Variants in DSCAM observed in about 807,000 individuals in gnomAD.
DSCAM encodes cell adhesion molecule DSCAM.
DSCAM carries 47 observed loss-of-function variants against 217.7 expected under a neutral mutation model. The ratio of observed to expected loss-of-function variants is 0.22; its 90% CI spans 0.17 to 0.28. The LOEUF is 0.28. DSCAM is among the 10% of genes least tolerant of loss of function. The probability of loss-of-function intolerance (pLI) is 1.00; values close to 1 mark genes in which losing one functional copy is unlikely to be tolerated. For missense variants in DSCAM, 2,080 were observed against 2,618.3 expected, an observed-to-expected ratio of 0.79 and a Z score of 4.49; for synonymous variants, 1,056 against 1,015.3, an observed-to-expected ratio of 1.04 and a Z score of -0.76.
At chr21:40,755,667 T>C (rs774989854) in intron 1 of DSCAM, among the ~76,000 whole-genome samples, 30 of 152,052 alleles carry the variant, frequency 2.0e-4, no homozygotes, top group Non-Finnish European at 3.4e-4. Flanking sequence ...AGGACTGAGG[T>C]AGCACCCTGG....
intron 3 of DSCAM, among the ~76,000 whole-genome samples, chr21:40,490,659 G>A (rs2076069494): frequency 6.6e-6 from 1 of 152,202 alleles, no homozygotes; most frequent in Admixed American, 6.5e-5. Context: ...TGGCAGTGCA[G>A]GCAGGAGCTT....
chr21:40,671,458 G>A (rs547318389), intron 3 of DSCAM, among the ~76,000 whole-genome samples: 8 of 151,924 alleles, frequency 5.3e-5, no homozygotes, highest in South Asian at 2.1e-4. Flanking sequence ...GGTGGATCAC[G>A]AGGCCAGGAG....
intron 23 of DSCAM, among the ~76,000 whole-genome samples, chr21:40,085,096 TATG>T (rs1482639128): frequency 1.3e-5 from 2 of 152,244 alleles, no homozygotes; most frequent in Non-Finnish European, 2.9e-5. Context: ...ACATTTTGTG[TATG>T]ATATCAAGAA....
At position 40,080,186 on chromosome 21, in the gene DSCAM, T is replaced by C; in HGVS notation, c.4386A>G (p.Ile1462Met). The part of the protein sequence containing the change: ...TAQNGVGPGR[I>M]SEIIEAKTLG... ...AGGTCTTTGCTTCTATGATTTCACT[T>C]ATGCGCCCTGGGCCCACTCCATTTT... Residue 1462 changes from isoleucine (I) to methionine (M), a missense_variant, in exon 25 of 33, where the codon ATA (isoleucine) becomes ATG (methionine). This residue lies in a region of DSCAM where 1,144 missense variants were observed against 1,421.1 expected (regional missense o/e 0.81). Transcript: ENST00000400454. 6.3e-7 allele frequency: 1 copy of C among 1,595,018 alleles called. No homozygotes were observed. Among genetic ancestry groups the C allele is most frequent in the South Asian group, 1.1e-5 (1 of 90,736 alleles).
intron 11 of DSCAM, among the ~76,000 whole-genome samples, chr21:40,241,490 A>G (rs1386609833): frequency 6.6e-6 from 1 of 152,204 alleles, no homozygotes. Flanking sequence ...AAAAAAAATA[A>G]CAGGTGCCGG....
intron 4 of DSCAM, among the ~76,000 whole-genome samples, chr21:40,364,494 C>T (rs2074805868): frequency 7.7e-6 from 1 of 129,972 alleles, no homozygotes; most frequent in Non-Finnish European, 1.5e-5. Context: ...CACATGGACA[C>T]AGGAAGGGGA....
At chr21:40,082,009 A>G (rs2089469752) in intron 24 of DSCAM, among the ~76,000 whole-genome samples, 1 of 151,540 alleles carries the variant, frequency 6.6e-6, no homozygotes, top group Admixed American at 6.6e-5. Context: ...GGTGCCCCCT[A>G]TTTTTTTCCT....
intron 32 of DSCAM, among the ~76,000 whole-genome samples, chr21:40,028,832 G>C (rs183970570): frequency 1.3e-5 from 2 of 152,302 alleles, no homozygotes; most frequent in Admixed American, 1.3e-4. Context: ...GACCGGAGCT[G>C]TTCCTATTCG....
intron 11 of DSCAM, among the ~76,000 whole-genome samples, chr21:40,252,921 CT>C (rs2073324304): frequency 6.6e-6 from 1 of 152,190 alleles, no homozygotes; most frequent in South Asian, 2.1e-4. Flanking sequence ...GTCTGTCCCC[CT>C]AGACCCAAGT....
At chr21:40,372,275 T>A (rs2074906465) in intron 3 of DSCAM, among the ~76,000 whole-genome samples, 1 of 152,250 alleles carries the variant, frequency 6.6e-6, no homozygotes. Context: ...TTCAATGGGA[T>A]TAATGGATGT....
At chr21:40,129,929 T>C (rs1011517546) in intron 19 of DSCAM, among the ~76,000 whole-genome samples, 1 of 152,200 alleles carries the variant, frequency 6.6e-6, no homozygotes, top group African/African-American at 2.4e-5. Flanking sequence ...ATTTTTTTGC[T>C]TCCTCTTAGC....
At chr21:40,518,734 T>C (rs2076335824) in intron 3 of DSCAM, among the ~76,000 whole-genome samples, 1 of 148,402 alleles carries the variant, frequency 6.7e-6, no homozygotes, top group Non-Finnish European at 1.5e-5. Context: ...CTTAAAATTT[T>C]ACTTCATTGA....
At chr21:40,277,883 AG>A (rs1348549930) in intron 10 of DSCAM, among the ~76,000 whole-genome samples, 2 of 151,544 alleles carry the variant, frequency 1.3e-5, no homozygotes, top group East Asian at 3.9e-4. Flanking sequence ...AAAAAAAAAA[AG>A]AAAAATAATA....
intron 3 of DSCAM, among the ~76,000 whole-genome samples, chr21:40,427,142 C>T (rs2075482229): frequency 6.6e-6 from 1 of 152,178 alleles, no homozygotes; most frequent in African/African-American, 2.4e-5. Context: ...AGGAGAGGGG[C>T]CTAGGTGGCC....
In DSCAM at chr21:40,489,774, C is replaced by CAAAAAAAAAAA. The variant is rs35247505; in HGVS notation, c.509-120540_509-120530dup. 3.4e-4 allele frequency among the ~76,000 whole-genome samples: 16 copies of CAAAAAAAAAAA among 47,180 alleles called. 1 individual carries two copies. Among genetic ancestry groups the CAAAAAAAAAAA allele is most frequent in the Admixed American group, 1.3e-3 (3 of 2,306 alleles). The allele number at this position is 47,180 out of a possible 152,430, so 31.0% of individuals were successfully genotyped here. ...TGGGCGACAGGGCGAGACTCCGTCT[C>CAAAAAAAAAAA]AAAAAAAAAAAAAAAAAAAAAAAAA... is the stretch of plus-strand genomic sequence containing the variant. On this transcript the variant is annotated intron_variant, in intron 3 of 32. Transcript: ENST00000400454.
chr21:40,532,267 A>G (rs549534325), intron 3 of DSCAM, among the ~76,000 whole-genome samples: 1 of 146,510 alleles, frequency 6.8e-6, no homozygotes, highest in East Asian at 2.0e-4. Flanking sequence ...AAATACTAAT[A>G]AATATCAGAT....
chr21:40,443,608 C>T (rs2075650679), intron 3 of DSCAM, among the ~76,000 whole-genome samples: 1 of 152,014 alleles, frequency 6.6e-6, no homozygotes, highest in African/African-American at 2.4e-5. Flanking sequence ...AATATGAGTT[C>T]AACATTATTT....
chr21:40,635,877 T>G (rs1428488248), intron 3 of DSCAM, among the ~76,000 whole-genome samples: 1 of 152,174 alleles, frequency 6.6e-6, no homozygotes, highest in East Asian at 1.9e-4. Flanking sequence ...TGTTGCTGAC[T>G]CAAATAGAGA....
Position 40,802,069 on chromosome 21 carries a change from G to C in DSCAM, c.43+44550C>G, listed in dbSNP as rs546280833. Among the ~76,000 whole-genome samples, 62 of 152,236 alleles carry C rather than the reference G, an allele frequency of 4.1e-4. 2 individuals are homozygous for C. The Middle Eastern group carries it at 0.01, about 25-fold the overall frequency. ...GCAATGCCCACGTTGGACAGCTTCA[G>C]GGACCAGACTTCAGCACATAGAAGT... On this transcript the variant is annotated intron_variant, in intron 1 of 32. Coordinates refer to ENST00000400454, the MANE Select transcript of DSCAM (RefSeq NM_001389.5).
Sources: allele counts gnomAD v4.1 joint callset (sites outside exome capture counted in the v4.1 genomes callset), GRCh38; gene constraint gnomAD v4.1.1; regional missense constraint gnomAD v4.1.1; transcripts MANE v1.5; gene names NCBI Gene and HGNC (gene_info 2026-07-23, HGNC 2026-07-21).